MGMT: variants seen among roughly 807,000 people sequenced by gnomAD.
MGMT encodes O-6-methylguanine-DNA methyltransferase.
In MGMT, 14 loss-of-function variants were observed where a neutral mutation model predicts 15.9. The ratio of observed to expected loss-of-function variants is 0.88; its 90% confidence interval spans 0.58 to 1.37. MGMT has a LOEUF of 1.37. Among genes scored for constraint, MGMT ranks in the 40% most tolerant of loss-of-function variants. The pLI, the probability that MGMT is intolerant of heterozygous loss-of-function variation, is 0.00. For synonymous variants in MGMT, 130 were observed against 118.2 expected (o/e 1.10, Z -0.65); for missense variants, 282 against 268.1 (o/e 1.05, Z -0.36).
At chr10:129,658,073 A>G (rs1185895619) in intron 2 of MGMT, among the ~76,000 whole-genome samples, 1 of 152,142 alleles carries the variant, frequency 6.6e-6, no homozygotes, top group Non-Finnish European at 1.5e-5. Context: ...CCCTGGTCCT[A>G]TTATGCTGTT....
intron 2 of MGMT, among the ~76,000 whole-genome samples, chr10:129,579,805 A>AAT (rs1243591443): frequency 3.3e-5 from 5 of 151,892 alleles, no homozygotes; most frequent in Admixed American, 6.6e-5. Flanking sequence ...TCTCATGTTA[A>AAT]CTCTGTGATT....
At chr10:129,496,869 T>C (rs1184999062) in intron 1 of MGMT, among the ~76,000 whole-genome samples, 1 of 152,148 alleles carries the variant, frequency 6.6e-6, no homozygotes, top group Admixed American at 6.5e-5. Flanking sequence ...TTTAAAAAAT[T>C]AATTGTAGAG....
intron 3 of MGMT, among the ~76,000 whole-genome samples, chr10:129,710,334 G>T (rs77055554): frequency 6.6e-6 from 1 of 152,180 alleles, no homozygotes; most frequent in Non-Finnish European, 1.5e-5. Context: ...TGCGACAGCC[G>T]CTCACATCCT....
chr10:129,727,452 C>G (rs770724924), intron 3 of MGMT, among the ~76,000 whole-genome samples: 9 of 152,130 alleles, frequency 5.9e-5, no homozygotes, highest in Non-Finnish European at 1.3e-4. Context: ...CTGCTGAGCC[C>G]GACCCTTCTG....
Position 129,738,673 on chromosome 10 carries a change from T to C in MGMT, c.275-20529T>C, listed in dbSNP as rs914414495. 6.6e-5 allele frequency among the ~76,000 whole-genome samples: 10 copies of C among 152,298 alleles called. No individual in the cohort carries two copies. In the East Asian group the frequency reaches 1.7e-3, roughly 26 times the overall value. On this transcript the variant is annotated intron_variant, in intron 3 of 4. Transcript: ENST00000651593. ...TGAATAGTGCCGCAGTAAACATACA[T>C]GTGCATGTGTCTTTATAGTAGCATG...
intron 2 of MGMT, among the ~76,000 whole-genome samples, chr10:129,609,234 C>T (rs1339012150): frequency 6.6e-6 from 1 of 152,234 alleles, no homozygotes; most frequent in Non-Finnish European, 1.5e-5. Flanking sequence ...TCAGTGGAAT[C>T]TCTGGCCCCA....
At chr10:129,486,708 G>C (rs1845413063) in intron 1 of MGMT, among the ~76,000 whole-genome samples, 1 of 152,184 alleles carries the variant, frequency 6.6e-6, no homozygotes, top group African/African-American at 2.4e-5. Flanking sequence ...CCCAAGATTG[G>C]GAAGGCAGAG....
chr10:129,519,616 C>T (rs989984509), intron 1 of MGMT, among the ~76,000 whole-genome samples: 1 of 152,186 alleles, frequency 6.6e-6, no homozygotes, highest in African/African-American at 2.4e-5. Context: ...GCCGCTGGAA[C>T]GTGTCTGGAA....
intron 1 of MGMT, among the ~76,000 whole-genome samples, chr10:129,472,544 T>C (rs1346606484): frequency 6.6e-6 from 1 of 152,164 alleles, no homozygotes; most frequent in East Asian, 1.9e-4. Context: ...TGGGGGCATG[T>C]GCACGGTGGT....
At chr10:129,754,694 G>A (rs1041467425) in intron 3 of MGMT, among the ~76,000 whole-genome samples, 1 of 152,234 alleles carries the variant, frequency 6.6e-6, no homozygotes, top group Non-Finnish European at 1.5e-5. Context: ...TCTGCTGAGG[G>A]CCACCCCGTG....
In MGMT at chr10:129,614,714, C is replaced by G. The variant is rs114361789; in HGVS notation, c.125+78337C>G. On this transcript the variant is annotated intron_variant, in intron 2 of 4. Transcript: ENST00000651593. Reference sequence around the variant, plus strand: ...AAGGATGACTTTTGACGAGCCATGTCAGATGTGACAGGCAATCTAGTTGGC... The same window carrying G: ...AAGGATGACTTTTGACGAGCCATGTGAGATGTGACAGGCAATCTAGTTGGC... 8.2e-3 allele frequency among the ~76,000 whole-genome samples: 1,250 copies of G among 152,270 alleles called. 19 individuals carry two copies. Among genetic ancestry groups the G allele is most frequent in the African/African-American group, 0.028 (1,174 of 41,544 alleles).
chr10:129,523,414 A>G (rs1256315272), intron 1 of MGMT, among the ~76,000 whole-genome samples: 1 of 152,236 alleles, frequency 6.6e-6, no homozygotes, highest in South Asian at 2.1e-4. Flanking sequence ...AGTAAACTAA[A>G]GGAATCATGC....
chr10:129,721,716 T>A (rs1359706), intron 3 of MGMT, among the ~76,000 whole-genome samples: 82,788 of 151,904 alleles, frequency 0.55, 22,790 homozygotes, highest in Middle Eastern at 0.71. Flanking sequence ...TGATAAATTA[T>A]GAATGCATAT....
At chr10:129,678,392 A>T (rs962567986) in intron 2 of MGMT, among the ~76,000 whole-genome samples, 21 of 151,556 alleles carry the variant, frequency 1.4e-4, no homozygotes, top group African/African-American at 4.9e-4. Context: ...CAAGTGCCCG[A>T]TGCTGTTGCT....
intron 2 of MGMT, among the ~76,000 whole-genome samples, chr10:129,598,194 G>A (rs1019195942): frequency 2.0e-5 from 3 of 152,182 alleles, no homozygotes; most frequent in Non-Finnish European, 4.4e-5. Context: ...ATCCCTGGTC[G>A]AGTGTGTGCT....
chr10:129,685,517 T>G (rs1030427910), intron 2 of MGMT, among the ~76,000 whole-genome samples: 5 of 152,174 alleles, frequency 3.3e-5, no homozygotes, highest in African/African-American at 1.2e-4. Flanking sequence ...TCCTAGACCT[T>G]CTTCTGTGGG....
At chr10:129,621,159 C>T (rs1847086309) in intron 2 of MGMT, among the ~76,000 whole-genome samples, 1 of 152,134 alleles carries the variant, frequency 6.6e-6, no homozygotes, top group African/African-American at 2.4e-5. Context: ...CTTGGGGATA[C>T]CTGCTACCAC....
chr10:129,683,775 GCTC>G (rs1309616430), intron 2 of MGMT, among the ~76,000 whole-genome samples: 1 of 152,134 alleles, frequency 6.6e-6, no homozygotes, highest in African/African-American at 2.4e-5. Context: ...GTAATAATCT[GCTC>G]CTATAATTGC....
At chr10:129,558,110 C>T (rs932206427) in intron 2 of MGMT, among the ~76,000 whole-genome samples, 7 of 152,130 alleles carry the variant, frequency 4.6e-5, no homozygotes, top group Non-Finnish European at 1.0e-4. Context: ...GCCCCCTGTG[C>T]GCCCGGGGTC....
Sources: allele counts gnomAD v4.1 joint callset (sites outside exome capture counted in the v4.1 genomes callset), GRCh38; gene constraint gnomAD v4.1.1; transcripts MANE v1.5; gene names NCBI Gene and HGNC (gene_info 2026-07-23, HGNC 2026-07-21).